PDE4B: variants seen among roughly 807,000 people sequenced by gnomAD.
PDE4B encodes 3',5'-cyclic-AMP phosphodiesterase 4B.
PDE4B carries 20 observed loss-of-function variants against 82.2 expected under a neutral mutation model. That is an observed-to-expected ratio of 0.24 (90% CI 0.17 to 0.35). The LOEUF (loss-of-function observed/expected upper bound fraction) is 0.35, where lower values mean the gene tolerates loss of function less well. PDE4B is among the 10% of genes least tolerant of loss of function. The probability of loss-of-function intolerance (pLI) is 1.00; values close to 1 mark genes in which losing one functional copy is unlikely to be tolerated. For synonymous variants in PDE4B, 320 were observed against 318.9 expected (o/e 1.00, Z -0.04); for missense variants, 655 against 907.2 (o/e 0.72, Z 3.57).
intron 7 of PDE4B, among the ~76,000 whole-genome samples, chr1:66,317,401 A>G (rs1271537781): frequency 2.0e-5 from 3 of 152,088 alleles, no homozygotes; most frequent in East Asian, 1.9e-4. Flanking sequence ...GCTTACTAAG[A>G]AAGTCTTTAG....
intron 3 of PDE4B, among the ~76,000 whole-genome samples, chr1:65,924,379 T>C (rs1407075476): frequency 6.6e-6 from 1 of 151,462 alleles, no homozygotes; most frequent in South Asian, 2.1e-4. Context: ...CGGCCGCTAA[T>C]TTTTTTTTCA....
At chr1:66,330,734 G>A (rs1660044268) in intron 7 of PDE4B, 1 of 982,684 alleles carries the variant, frequency 1.0e-6, no homozygotes. Context: ...TCTTCTGGAA[G>A]CAAACAGAGG....
At chr1:66,329,743 C>G (rs983816201) in intron 7 of PDE4B, among the ~76,000 whole-genome samples, 1 of 152,066 alleles carries the variant, frequency 6.6e-6, no homozygotes, top group African/African-American at 2.4e-5. Flanking sequence ...AATATTTTAT[C>G]CTTCTTCTAC....
intron 3 of PDE4B, among the ~76,000 whole-genome samples, chr1:66,161,877 A>G (rs12070537): frequency 0.015 from 2,292 of 152,298 alleles, 55 homozygotes; most frequent in African/African-American, 0.053. Flanking sequence ...TGAAATCTCA[A>G]ATTCACCTAC....
chr1:66,304,437 A>G (rs1357225681), intron 7 of PDE4B, among the ~76,000 whole-genome samples: 1 of 152,050 alleles, frequency 6.6e-6, no homozygotes, highest in Non-Finnish European at 1.5e-5. Flanking sequence ...AATCTTTCCT[A>G]TGTTCTCCAT....
At chr1:66,058,138 G>A (rs756895653) in intron 3 of PDE4B, among the ~76,000 whole-genome samples, 1 of 152,216 alleles carries the variant, frequency 6.6e-6, no homozygotes, top group Non-Finnish European at 1.5e-5. Flanking sequence ...CCCCATGTAA[G>A]TCTGAAATCC....
chr1:65,798,798 ATTAAG>A (rs1347005411), intron 1 of PDE4B, among the ~76,000 whole-genome samples: 1 of 152,238 alleles, frequency 6.6e-6, no homozygotes, highest in Non-Finnish European at 1.5e-5. Context: ...GCTTATTTAA[ATTAAG>A]TTAATTAATA....
intron 4 of PDE4B, among the ~76,000 whole-genome samples, chr1:66,251,168 C>T (rs1471908114): frequency 6.6e-6 from 1 of 152,154 alleles, no homozygotes; most frequent in Admixed American, 6.5e-5. Flanking sequence ...TAAAAGCACA[C>T]ATTTATTGAG....
intron 3 of PDE4B, among the ~76,000 whole-genome samples, chr1:65,998,429 G>A (rs1651674595): frequency 7.1e-6 from 1 of 141,160 alleles, no homozygotes; most frequent in Non-Finnish European, 1.6e-5. Context: ...GAGGAGCCAC[G>A]ACAGGTTATG....
chr1:66,107,524 A>AG (rs1165535185), intron 3 of PDE4B, among the ~76,000 whole-genome samples: 1 of 151,910 alleles, frequency 6.6e-6, no homozygotes, highest in Non-Finnish European at 1.5e-5. Context: ...AACAAACAAA[A>AG]AAAAAAACCT....
chr1:66,079,009 C>G (rs749856054), intron 3 of PDE4B, among the ~76,000 whole-genome samples: 3 of 152,024 alleles, frequency 2.0e-5, no homozygotes, highest in East Asian at 3.9e-4. Context: ...ATGAATAAAC[C>G]CTGATGATAA....
chr1:66,157,056 G>GTTAA, intron 3 of PDE4B, among the ~76,000 whole-genome samples: 1 of 152,186 alleles, frequency 6.6e-6, no homozygotes, highest in South Asian at 2.1e-4. Flanking sequence ...TCTTTAGATA[G>GTTAA]GCATCTCAAA....
chr1:65,807,109 A>G (rs989714374), intron 1 of PDE4B, among the ~76,000 whole-genome samples: 1 of 152,224 alleles, frequency 6.6e-6, no homozygotes, highest in African/African-American at 2.4e-5. Context: ...TAACAGCAGC[A>G]CATCTGCTAG....
intron 3 of PDE4B, among the ~76,000 whole-genome samples, chr1:66,110,768 T>C (rs1329891813): frequency 6.6e-6 from 1 of 152,104 alleles, no homozygotes. Flanking sequence ...TAGTATGTAG[T>C]AAGCACTCAA....
At chr1:66,140,576 A>C (rs2101144346) in intron 3 of PDE4B, among the ~76,000 whole-genome samples, 1 of 152,306 alleles carries the variant, frequency 6.6e-6, no homozygotes. Flanking sequence ...AAAATACAGA[A>C]ATCAGTCTTG....
At chr1:65,964,313 G>A (rs1487039717) in intron 3 of PDE4B, among the ~76,000 whole-genome samples, 2 of 152,124 alleles carry the variant, frequency 1.3e-5, no homozygotes, top group Non-Finnish European at 2.9e-5. Context: ...CAATTAAAAG[G>A]TTTCCAAGAC....
chr1:66,337,401 C>T (rs1290360214), intron 8 of PDE4B, among the ~76,000 whole-genome samples: 2 of 152,214 alleles, frequency 1.3e-5, no homozygotes, highest in African/African-American at 4.8e-5. Flanking sequence ...ACTTCCCGGC[C>T]ACACAAGCCT....
chr1:66,030,763 G>A (rs1422530526), intron 3 of PDE4B, among the ~76,000 whole-genome samples: 2 of 152,180 alleles, frequency 1.3e-5, no homozygotes, highest in Non-Finnish European at 2.9e-5. Flanking sequence ...ATACAACATG[G>A]AATACGATGC....
chr1:66,320,943 A>G lies in PDE4B; in HGVS notation c.635-11565A>G, dbSNP rs115190342. Among the ~76,000 whole-genome samples, 1,323 of 152,314 alleles carry G rather than the reference A, an allele frequency of 8.7e-3. 17 individuals carry two copies. The highest frequency in any genetic ancestry group is 0.024 in the Middle Eastern group (7 of 294). On this transcript the variant is annotated intron_variant, in intron 7 of 16. Coordinates refer to ENST00000341517, the MANE Select transcript of PDE4B (RefSeq NM_002600.4). Reference sequence around the variant, plus strand: ...CAAAGTTGGGAAAGGCATTTTAGGCAGATAGAAATGCTTGAGCAGAAACAA... The same window carrying G: ...CAAAGTTGGGAAAGGCATTTTAGGCGGATAGAAATGCTTGAGCAGAAACAA...
Sources: gnomAD v4.1 joint callset for allele counts (sites outside exome capture counted in the v4.1 genomes callset) on GRCh38, gnomAD v4.1.1 for gene constraint, MANE v1.5 for transcripts, NCBI Gene and HGNC (gene_info 2026-07-23, HGNC 2026-07-21) for gene names.